Variants in NLRP14 observed in about 807,000 individuals in gnomAD.
NLRP14 encodes NACHT, LRR and PYD domains-containing protein 14.
In NLRP14, 105 loss-of-function variants were observed where a neutral mutation model predicts 94.7. The ratio of observed to expected loss-of-function variants is 1.11; its 90% confidence interval spans 0.95 to 1.30. The LOEUF (loss-of-function observed/expected upper bound fraction) is 1.30. Among genes scored for constraint, NLRP14 ranks in the 50% most tolerant of loss-of-function variants. The pLI is 0.00. For missense variants in NLRP14, 1,362 were observed against 1,254.1 expected (o/e 1.09, Z -1.30); for synonymous variants, 508 against 459.9 (o/e 1.10, Z -1.34).
chr11:7,090,674 A>G, the NLRP14 span: 1 of 324,342 alleles, frequency 3.1e-6, no homozygotes, highest in Non-Finnish European at 6.1e-6. Context: ...GGAAAAACGG[A>G]TCATTCTGCT....
chr11:7,064,242 A>G (rs1388538), intron 10 of NLRP14, among the ~76,000 whole-genome samples: 142,809 of 152,128 alleles, frequency 0.94, 67,716 homozygotes, highest in East Asian at 1. Flanking sequence ...ATATGATAAG[A>G]TTCCACATTA....
intron 2 of NLRP14, 30 bp downstream of exon 2, chr11:7,038,905 T>A (rs1344887666): frequency 6.2e-7 from 1 of 1,608,618 alleles, no homozygotes; most frequent in Non-Finnish European, 8.5e-7. Context: ...AATCGGGGGC[T>A]AGGCAGGAAG....
chr11:7,087,036 CAGATA>C, the NLRP14 span, among the ~76,000 whole-genome samples: 88,263 of 151,408 alleles, frequency 0.58, 26,654 homozygotes, highest in East Asian at 0.8. Flanking sequence ...AGGTAGACCT[CAGATA>C]AGAGGGAACT....
At chr11:7,078,452 A>C in the NLRP14 span, among the ~76,000 whole-genome samples, 2 of 146,586 alleles carry the variant, frequency 1.4e-5, no homozygotes, top group African/African-American at 5.0e-5. Context: ...AAAAAAAAAA[A>C]AAAAAAAAAA....
chr11:7,089,939 T>G, the NLRP14 span: 1 of 1,612,822 alleles, frequency 6.2e-7, no homozygotes, highest in Non-Finnish European at 8.5e-7. Context: ...ACGGGGATCA[T>G]CTGAGCAGAG....
intron 10 of NLRP14, among the ~76,000 whole-genome samples, chr11:7,063,790 G>A (rs986407563): frequency 7.9e-5 from 12 of 152,014 alleles, no homozygotes; most frequent in Admixed American, 2.0e-4. Flanking sequence ...TTGTAGTATT[G>A]ATTTCAAACA....
downstream of NLRP14, among the ~76,000 whole-genome samples, chr11:7,074,415 C>G (rs1300742194): frequency 6.6e-6 from 1 of 152,202 alleles, no homozygotes; most frequent in Non-Finnish European, 1.5e-5. Context: ...AGAAAGTATA[C>G]ACCAAAGTGG....
chr11:7,053,403 G>A (rs1852470106), intron 6 of NLRP14, among the ~76,000 whole-genome samples: 1 of 150,394 alleles, frequency 6.6e-6, no homozygotes, highest in South Asian at 2.1e-4. Context: ...AGATTTACAA[G>A]CTTCCGGTTT....
chr11:7,089,175 A>G, the NLRP14 span: 1 of 1,613,898 alleles, frequency 6.2e-7, no homozygotes, highest in Non-Finnish European at 8.5e-7. Context: ...CAACCTCGAA[A>G]CCGACGAGAA....
chr11:7,038,952 A>C, intron 2 of NLRP14, 77 bp downstream of exon 2: 1 of 1,405,788 alleles, frequency 7.1e-7, no homozygotes, highest in South Asian at 1.3e-5. Context: ...TGTTTCTGTA[A>C]GAGGGATTTA....
At chr11:7,067,384 G>T (rs1157918166) in intron 10 of NLRP14, among the ~76,000 whole-genome samples, 2 of 152,186 alleles carry the variant, frequency 1.3e-5, no homozygotes, top group Non-Finnish European at 2.9e-5. Context: ...TCCTTGAGCA[G>T]TGGTTTGTAG....
At chr11:7,070,152 T>G in intron 10 of NLRP14, 134 bp from the exon 11 acceptor site, 1 of 686,896 alleles carries the variant, frequency 1.5e-6, no homozygotes, top group Non-Finnish European at 2.6e-6. Context: ...CTTATAGTCC[T>G]TGAATTTATA....
intron 3 of NLRP14, among the ~76,000 whole-genome samples, chr11:7,042,177 G>T (rs116302523): frequency 0.015 from 2,311 of 151,116 alleles, 71 homozygotes; most frequent in African/African-American, 0.053. Context: ...ATCTATTCTG[G>T]TTTTTATTAC....
intron 1 of NLRP14, among the ~76,000 whole-genome samples, chr11:7,023,447 T>C (rs887001095): frequency 6.8e-6 from 1 of 146,252 alleles, no homozygotes; most frequent in African/African-American, 2.5e-5. Flanking sequence ...AAATTTTTAT[T>C]TTATATATGT....
chr11:7,045,691 T>A (rs183802226), intron 4 of NLRP14, among the ~76,000 whole-genome samples: 22 of 152,194 alleles, frequency 1.4e-4, no homozygotes, highest in Non-Finnish European at 2.5e-4. Flanking sequence ...ATTTATTGAC[T>A]AGCTGTTATA....
At chr11:7,038,481 A>G (rs910241631) in intron 1 of NLRP14, 85 bp from the exon 2 acceptor site, 2 of 1,102,458 alleles carry the variant, frequency 1.8e-6, no homozygotes, top group African/African-American at 1.6e-5. Flanking sequence ...AAATTAATCT[A>G]TATAAGTATT....
chr11:7,046,563 C>G (rs1852353148), intron 4 of NLRP14, 105 bp from the exon 5 acceptor site: 5 of 1,104,908 alleles, frequency 4.5e-6, no homozygotes, highest in Non-Finnish European at 1.4e-6. Flanking sequence ...GATGCTCTTG[C>G]CTTTCCAAAG....
chr11:7,052,575 A>C (rs1288695085), intron 6 of NLRP14, among the ~76,000 whole-genome samples: 1 of 152,206 alleles, frequency 6.6e-6, no homozygotes, highest in Non-Finnish European at 1.5e-5. Context: ...CGGAGGTTGC[A>C]GTGAGCCAAG....
chr11:7,038,463 T>C lies in NLRP14; in HGVS notation c.-21-103T>C, dbSNP rs985777745. 4 of 966,372 alleles carry C rather than the reference T, an allele frequency of 4.1e-6. No individual in the cohort carries two copies. The African/African-American group carries it at 6.6e-5, about 16-fold the overall frequency. The allele number at this position is 966,372 out of a possible 1,614,324, so 59.9% of individuals were successfully genotyped here. On this transcript the variant is annotated intron_variant, in intron 1 of 11. Coordinates refer to ENST00000299481, the MANE Select transcript of NLRP14 (RefSeq NM_176822.4). ...GCCTAATACAGTGGGCTTCTGCAAATGTTTGTTAAATTAATCTATATAAGT... is the reference window on the plus strand; with the variant it reads ...GCCTAATACAGTGGGCTTCTGCAAACGTTTGTTAAATTAATCTATATAAGT...
Sources: allele counts gnomAD v4.1 joint callset (sites outside exome capture counted in the v4.1 genomes callset), GRCh38; gene constraint gnomAD v4.1.1; transcripts MANE v1.5; gene names NCBI Gene and HGNC (gene_info 2026-07-23, HGNC 2026-07-21).